Variants in PASK observed in about 807,000 individuals in gnomAD.
The protein encoded by PASK is PAS domain-containing serine/threonine-protein kinase.
A neutral mutation model predicts 121.0 loss-of-function variants in PASK; 110 were observed. The observed-to-expected ratio is 0.91, with a 90% CI of 0.78 to 1.06. PASK has a LOEUF of 1.06. PASK is among the 50% of genes least tolerant of loss of function. PASK has a pLI of 0.00. For missense variants in PASK, 1,643 were observed against 1,702.3 expected, an observed-to-expected ratio of 0.97 and a Z score of 0.61; for synonymous variants, 686 against 717.8, an observed-to-expected ratio of 0.96 and a Z score of 0.71.
intron 1 of PASK, among the ~76,000 whole-genome samples, chr2:241,148,909 T>A (rs865981508): frequency 2.6e-5 from 4 of 150,994 alleles, no homozygotes; most frequent in Admixed American, 6.6e-5. Flanking sequence ...GAAAGAAAAA[T>A]TAGTGAAAAA....
At position 241,122,957 on chromosome 2, in the gene PASK, G is replaced by A. The variant is rs574939710; in HGVS notation, c.2905-58C>T. ...TGCAACTGCACCGGGCAGAGGTGCA[G>A]CACCCACAGTGGTCCCCCTGCGTCT... On this transcript the variant is annotated intron_variant, in intron 11 of 17. Coordinates refer to ENST00000234040, the MANE Select transcript of PASK (RefSeq NM_015148.4). 6.9e-5 allele frequency: 108 copies of A among 1,557,832 alleles called. No homozygotes were observed. In the African/African-American group the frequency reaches 1.2e-3, roughly 17 times the overall value.
intron 6 of PASK, among the ~76,000 whole-genome samples, chr2:241,137,624 A>G (rs1479639065): frequency 6.6e-6 from 1 of 152,170 alleles, no homozygotes; most frequent in African/African-American, 2.4e-5. Context: ...ATCTGGCACC[A>G]GGATACTGGC....
chr2:241,135,574 C>T (rs780665869), intron 8 of PASK, among the ~76,000 whole-genome samples: 6 of 152,082 alleles, frequency 3.9e-5, no homozygotes, highest in Non-Finnish European at 7.4e-5. Flanking sequence ...AAAGACAAGA[C>T]GGTCAGTTAG....
At chr2:241,138,912 T>C in intron 4 of PASK, 118 bp from the exon 5 acceptor site, 1 of 937,736 alleles carries the variant, frequency 1.1e-6, no homozygotes, top group Non-Finnish European at 1.7e-6. Flanking sequence ...AACTTCTGCT[T>C]ACCTGATTTT....
rs28681045 is a variant in PASK, at chr2:241,108,997, C to T, written c.3534-697G>A. On this transcript the variant is annotated intron_variant, in intron 15 of 17. Coordinates refer to ENST00000234040, the MANE Select transcript of PASK (RefSeq NM_015148.4). The surrounding 1 kb of genome is among the most constrained non-coding windows in gnomAD (Gnocchi z 5.2). ...TATTTCCTGTCACCGTAAACATCCT[C>T]ATCCACGCTACCATTTATTTCCTGT... The T allele has an allele frequency of 2.6e-5, 4 of 154,032 alleles. No individual in the cohort carries two copies. Among genetic ancestry groups the T allele is most frequent in the Admixed American group, 6.4e-5 (1 of 15,744 alleles). 9.5% of individuals were successfully genotyped at this position (154,032 alleles called of 1,614,324 possible).
Position 241,108,183 on chromosome 2 carries a change from T to A in PASK, c.3651A>T (p.Pro1217=), listed in dbSNP as rs2125398721. 1 of 1,614,032 alleles carries A rather than the reference T, an allele frequency of 6.2e-7. No individual in the cohort carries two copies. The highest frequency in any genetic ancestry group is 2.2e-5 in the East Asian group (1 of 44,878). ...CACGCTCACCTTTGGACACCAGGTA[T>A]GGCGGGTGTATGGCAGCCTCCACGG... ...EETVEAAIHP[P]YLVSKELMSL... Residue 1217 remains proline, a synonymous_variant, in exon 16 of 18, where the codon CCA becomes CCT. Coordinates refer to ENST00000234040, the MANE Select transcript of PASK (RefSeq NM_015148.4). The surrounding 1 kb of genome is among the most constrained non-coding windows in gnomAD (Gnocchi z 5.2).
chr2:241,128,012 G>A (rs533610517), intron 9 of PASK, among the ~76,000 whole-genome samples: 1 of 152,270 alleles, frequency 6.6e-6, no homozygotes, highest in Non-Finnish European at 1.5e-5. Flanking sequence ...GGGCGTGGTG[G>A]CTCACGCCTG....
At chr2:241,135,729 G>A in intron 8 of PASK, 142 bp downstream of exon 8, 2 of 649,800 alleles carry the variant, frequency 3.1e-6, no homozygotes, top group Middle Eastern at 8.6e-4. Flanking sequence ...CCAGAAAACA[G>A]TCACCCCCTA....
rs1251113721 is a variant in PASK at position 241,108,198 on chromosome 2, A to G, written c.3636T>C (p.Ala1212=). ...PFCELEETVE[A]AIHPPYLVSK... is the part of the protein sequence containing the mutation. ...ACACCAGGTATGGCGGGTGTATGGC[A>G]GCCTCCACGGTCTCCTCCAGCTCAC... is the stretch of plus-strand genomic sequence containing the variant. Residue 1212 remains alanine, a synonymous_variant, in exon 16 of 18, where the codon GCT becomes GCC. Coordinates refer to ENST00000234040, the MANE Select transcript of PASK (RefSeq NM_015148.4). The surrounding 1 kb of genome is among the most constrained non-coding windows in gnomAD (Gnocchi z 5.2). The G allele has an allele frequency of 6.2e-7, 1 of 1,613,706 alleles. No homozygotes were observed. Among genetic ancestry groups the G allele is most frequent in the Non-Finnish European group, 8.5e-7 (1 of 1,179,942 alleles).
intron 15 of PASK, among the ~76,000 whole-genome samples, chr2:241,110,149 C>G (rs898389903): frequency 6.6e-6 from 1 of 152,196 alleles, no homozygotes; most frequent in Non-Finnish European, 1.5e-5. Context: ...TGGCACAGGC[C>G]ACAACATGGA....
chr2:241,131,933 A>C (rs968585270), intron 9 of PASK, among the ~76,000 whole-genome samples: 4 of 151,820 alleles, frequency 2.6e-5, no homozygotes, highest in Non-Finnish European at 4.4e-5. Context: ...AGGTGCCTGT[A>C]GTCTCAGCTA....
chr2:241,137,211 A>G lies in PASK; in HGVS notation c.930T>C (p.Pro310=), dbSNP rs1452796031. The stretch of plus-strand genomic sequence containing the variant: ...GTTGGGATTTCAGCTTTAAGCTCAG[A>G]GGGAAGGTGGTACCGTCCCTGGCTC... ...VGRARDGTTF[P]LSLKLKSQPS... Residue 310 remains proline, a synonymous_variant, in exon 7 of 18, where the codon CCT becomes CCC. Coordinates refer to ENST00000234040, the MANE Select transcript of PASK (RefSeq NM_015148.4). 6.2e-7 allele frequency: 1 copy of G among 1,612,672 alleles called. No homozygotes were observed. Among genetic ancestry groups the G allele is most frequent in the African/African-American group, 1.3e-5 (1 of 75,030 alleles).
Position 241,108,167 on chromosome 2 carries a change from C to T in PASK, c.3667G>A (p.Glu1223Lys), listed in dbSNP as rs1360708023. Residue 1223 changes from glutamate (E) to lysine (K), a missense_variant and splice_region_variant, in exon 16 of 18, where the codon GAA (glutamate) becomes AAA (lysine). Glu to Lys is a moderately conservative substitution (Grantham distance 56, BLOSUM62 1). Transcript: ENST00000234040. The surrounding 1 kb of genome is among the most constrained non-coding windows in gnomAD (Gnocchi z 5.2). ...TCTACCACTTGCAGCTCACGCTCAC[C>T]TTTGGACACCAGGTATGGCGGGTGT... ...AIHPPYLVSK[E>K]LMSLVSGLLQ... 1 of 1,614,184 alleles carries T rather than the reference C, an allele frequency of 6.2e-7. No individual in the cohort carries two copies. The highest frequency in any genetic ancestry group is 8.5e-7 in the Non-Finnish European group (1 of 1,180,022).
chr2:241,119,468 C>CTTT (rs36113805), intron 12 of PASK, among the ~76,000 whole-genome samples: 42 of 134,218 alleles, frequency 3.1e-4, no homozygotes, highest in African/African-American at 1.0e-3. Context: ...CAAGATGCTT[C>CTTT]TTTTTTTTTT....
At chr2:241,139,654 G>C (rs2066608666) in intron 4 of PASK, 1 of 699,876 alleles carries the variant, frequency 1.4e-6, no homozygotes, top group East Asian at 2.8e-5. Flanking sequence ...CAGGAGTCCA[G>C]CCACAGCCAC....
intron 9 of PASK, among the ~76,000 whole-genome samples, chr2:241,128,263 AGAGT>A (rs1454699609): frequency 6.6e-6 from 1 of 152,236 alleles, no homozygotes. Context: ...GATGGGTGAC[AGAGT>A]GAGACTCCGT....
At position 241,108,556 on chromosome 2, in the gene PASK, A is replaced by T. The variant is rs1575216690; in HGVS notation, c.3534-256T>A. ...GCTAATCAGGAACTTCCTTGTGGAC[A>T]CCAACCACAAGACGTGTCTACCAGA... On this transcript the variant is annotated intron_variant, in intron 15 of 17. Coordinates refer to ENST00000234040, the MANE Select transcript of PASK (RefSeq NM_015148.4). The surrounding 1 kb of genome is among the most constrained non-coding windows in gnomAD (Gnocchi z 5.2). 1.8e-6 allele frequency: 1 copy of T among 547,878 alleles called. No individual in the cohort carries two copies. The highest frequency in any genetic ancestry group is 3.3e-5 in the East Asian group (1 of 30,608). 33.9% of individuals were successfully genotyped at this position (547,878 alleles called of 1,614,324 possible).
chr2:241,138,325 A>AT (rs749411189), intron 5 of PASK, among the ~76,000 whole-genome samples: 2 of 152,248 alleles, frequency 1.3e-5, no homozygotes, highest in Non-Finnish European at 2.9e-5. Flanking sequence ...ACCACAGCTC[A>AT]TTAATAACAT....
chr2:241,114,869 C>T (rs549279858), intron 14 of PASK, 174 bp downstream of exon 14: 493 of 1,515,958 alleles, frequency 3.3e-4, no homozygotes, highest in Non-Finnish European at 4.1e-4. Flanking sequence ...ACTTTCTCTA[C>T]TTCAATCATA....
Sources: gnomAD v4.1 joint callset for allele counts (sites outside exome capture counted in the v4.1 genomes callset) on GRCh38, gnomAD v4.1.1 for gene constraint, Gnocchi (gnomAD v3.1) non-coding constraint, MANE v1.5 for transcripts, NCBI Gene and HGNC (gene_info 2026-07-23, HGNC 2026-07-21) for gene names.